Variants in GPR183 observed in about 807,000 individuals in gnomAD.
GPR183 encodes the protein EBV-induced G-protein coupled receptor 2.
In GPR183, 9 loss-of-function variants were observed where a neutral mutation model predicts 19.7. The ratio of observed to expected loss-of-function variants is 0.46; its 90% CI spans 0.28 to 0.80. The LOEUF is 0.80. Ranked by LOEUF, GPR183 falls within the 30% of genes least tolerant of loss-of-function variation. The probability of loss-of-function intolerance (pLI) is 0.13; values close to 1 mark genes in which losing one functional copy is unlikely to be tolerated. For missense variants in GPR183, 368 were observed against 446.7 expected, an observed-to-expected ratio of 0.82 and a Z score of 1.59; for synonymous variants, 160 against 155.1, an observed-to-expected ratio of 1.03 and a Z score of -0.24.
chr13:99,299,447 A>G (rs895450447), intron 1 of GPR183, among the ~76,000 whole-genome samples: 5 of 150,496 alleles, frequency 3.3e-5, no homozygotes, highest in African/African-American at 1.2e-4. Flanking sequence ...TAGGGAAGCA[A>G]ATACACACAC....
chr13:99,295,358 G>A lies in GPR183; in HGVS notation c.788C>T (p.Ala263Val), dbSNP rs758206571. 18 of 1,613,218 alleles carry A rather than the reference G, an allele frequency of 1.1e-5. No homozygotes were observed. The highest frequency in any genetic ancestry group is 1.5e-5 in the Non-Finnish European group (18 of 1,179,318). The change falls in exon 2 of 2, where the codon GCA (alanine) becomes GTA (valine). Residue 263 changes from alanine (A) to valine (V), a missense_variant. By Grantham distance (64) the Ala-to-Val change is moderately conservative. Transcript: ENST00000376414. This position sits in a 1 kb window ranked among gnomAD's most constrained non-coding sequence, Gnocchi z 4.1. The part of the protein sequence containing the change: ...FVLCFTPYHV[A>V]IIQHMIKKLR... ...CTTCTTAATCATATGTTGAATAATTGCAACATGGTAAGGTGTGAAACAGAG... is the reference window on the plus strand; with the variant it reads ...CTTCTTAATCATATGTTGAATAATTACAACATGGTAAGGTGTGAAACAGAG...
At chr13:99,307,037 T>C (rs967376322) in intron 1 of GPR183, among the ~76,000 whole-genome samples, 2 of 152,192 alleles carry the variant, frequency 1.3e-5, no homozygotes, top group Non-Finnish European at 2.9e-5. Context: ...ATTATTTGCA[T>C]AGTTTTGCTT....
At chr13:99,300,732 G>A (rs570122712) in intron 1 of GPR183, among the ~76,000 whole-genome samples, 4 of 152,296 alleles carry the variant, frequency 2.6e-5, no homozygotes, top group South Asian at 2.1e-4. Context: ...AATATATAGC[G>A]TTGAACATGT....
rs1475257556 is a variant in GPR183 at position 99,296,267 on chromosome 13, A to T, written c.-18-104T>A. Reference sequence around the variant, plus strand: ...TAAATAATGTATCAAAGCAATCCAAACTGTCTTTTATATATCTAAGTTTTA... The same window carrying T: ...TAAATAATGTATCAAAGCAATCCAATCTGTCTTTTATATATCTAAGTTTTA... On this transcript the variant is annotated intron_variant, in intron 1 of 1. Coordinates refer to ENST00000376414, the MANE Select transcript of GPR183 (RefSeq NM_004951.5). 5 of 878,816 alleles carry T rather than the reference A, an allele frequency of 5.7e-6. No individual in the cohort carries two copies. The Admixed American group carries it at 1.3e-4, about 23-fold the overall frequency. 54.4% of individuals were successfully genotyped at this position (878,816 alleles called of 1,614,324 possible). A position where few individuals can be genotyped will look rare whatever the true frequency, so the allele number is the denominator to read the frequency against.
intron 1 of GPR183, among the ~76,000 whole-genome samples, chr13:99,304,827 C>T (rs948704126): frequency 6.6e-6 from 1 of 152,158 alleles, no homozygotes; most frequent in Non-Finnish European, 1.5e-5. Flanking sequence ...ACATTCAGTA[C>T]AATACATTTT....
chr13:99,295,733 C>T lies in GPR183; in HGVS notation c.413G>A (p.Arg138His), dbSNP rs377287560. ...DRFIAVVHPLRYNKIKRIEHA... is the reference protein window; with the variant it reads ...DRFIAVVHPLHYNKIKRIEHA... ...TTCAATCCTTTTTATCTTGTTGTAGCGTAGAGGGTGCACCACAGCAATGAA... is the reference window on the plus strand; with the variant it reads ...TTCAATCCTTTTTATCTTGTTGTAGTGTAGAGGGTGCACCACAGCAATGAA... Residue 138 changes from arginine (R) to histidine (H), a missense_variant, in exon 2 of 2, where the codon CGC (arginine) becomes CAC (histidine). Transcript: ENST00000376414. The surrounding 1 kb of genome is among the most constrained non-coding windows in gnomAD (Gnocchi z 4.1). The T allele has an allele frequency of 4.3e-6, 7 of 1,613,904 alleles. No individual in the cohort carries two copies. The African/African-American group carries it at 6.7e-5, about 15-fold the overall frequency.
Position 99,295,474 on chromosome 13 carries a change from G to T in GPR183, c.672C>A (p.Phe224Leu). 2 of 1,613,954 alleles carry T rather than the reference G, an allele frequency of 1.2e-6. No homozygotes were observed. The highest frequency in any genetic ancestry group is 1.7e-6 in the Non-Finnish European group (2 of 1,180,018). ...TGAGTGGGTTTTGTTTGGCAGTTCT[G>T]AAGAGTTTGCAGCAGATCTGAGAAT... ...ICYSQICCKL[F>L]RTAKQNPLTE... Residue 224 changes from phenylalanine (F) to leucine (L), a missense_variant, in exon 2 of 2, where the codon TTC becomes TTA. Coordinates refer to ENST00000376414, the MANE Select transcript of GPR183 (RefSeq NM_004951.5). The surrounding 1 kb of genome is among the most constrained non-coding windows in gnomAD (Gnocchi z 4.1).
At chr13:99,300,911 T>C (rs1354719857) in intron 1 of GPR183, among the ~76,000 whole-genome samples, 1 of 152,258 alleles carries the variant, frequency 6.6e-6, no homozygotes, top group Non-Finnish European at 1.5e-5. Context: ...GTAGAAAATT[T>C]ATTCTTAAGT....
At chr13:99,300,076 G>A (rs895861878) in intron 1 of GPR183, among the ~76,000 whole-genome samples, 37 of 152,300 alleles carry the variant, frequency 2.4e-4, no homozygotes, top group African/African-American at 8.2e-4. Context: ...TGGCACATGC[G>A]CAACATTGCC....
intron 1 of GPR183, among the ~76,000 whole-genome samples, chr13:99,301,228 C>G (rs559826640): frequency 3.3e-5 from 5 of 152,334 alleles, no homozygotes; most frequent in East Asian, 1.9e-4. Flanking sequence ...TGGATAATGA[C>G]TGGGCCACAG....
rs749190085 is a variant in GPR183, at chr13:99,295,957, G to T, written c.189C>A (p.Ile63=). The part of the protein sequence containing the change: ...LVVIVQNRKK[I]NSTTLYSTNL... Reference sequence around the variant, plus strand: ...TTGTTGAATAGAGGGTGGTAGAGTTGATTTTTTTCCTGTTTTGAACAATGA... The same window carrying T: ...TTGTTGAATAGAGGGTGGTAGAGTTTATTTTTTTCCTGTTTTGAACAATGA... Residue 63 remains isoleucine, a synonymous_variant, in exon 2 of 2, where the codon ATC becomes ATA. Coordinates refer to ENST00000376414, the MANE Select transcript of GPR183 (RefSeq NM_004951.5). This position sits in a 1 kb window ranked among gnomAD's most constrained non-coding sequence, Gnocchi z 4.1. The T allele has an allele frequency of 6.2e-7, 1 of 1,614,114 alleles. No homozygotes were observed.
At chr13:99,303,381 C>A (rs1309331624) in intron 1 of GPR183, among the ~76,000 whole-genome samples, 1 of 152,230 alleles carries the variant, frequency 6.6e-6, no homozygotes, top group African/African-American at 2.4e-5. Flanking sequence ...TGGTTGAACA[C>A]CCACTTGCAC....
At chr13:99,301,575 ATTATC>A (rs901533172) in intron 1 of GPR183, among the ~76,000 whole-genome samples, 3 of 152,072 alleles carry the variant, frequency 2.0e-5, no homozygotes. Context: ...TTCTTGAGAT[ATTATC>A]ATCTCATTTT....
chr13:99,304,859 C>T (rs1394514069), intron 1 of GPR183, among the ~76,000 whole-genome samples: 1 of 152,176 alleles, frequency 6.6e-6, no homozygotes, highest in African/African-American at 2.4e-5. Context: ...CCGACGTGAT[C>T]TGCTATTATG....
At chr13:99,305,139 A>G (rs1254667885) in intron 1 of GPR183, among the ~76,000 whole-genome samples, 1 of 152,230 alleles carries the variant, frequency 6.6e-6, no homozygotes, top group Non-Finnish European at 1.5e-5. Flanking sequence ...AAGATGGTGA[A>G]TATCTAGAAT....
chr13:99,305,767 G>T (rs1450589854), intron 1 of GPR183, among the ~76,000 whole-genome samples: 1 of 152,164 alleles, frequency 6.6e-6, no homozygotes, highest in African/African-American at 2.4e-5. Flanking sequence ...CATATTCTTT[G>T]TGGTTTTATG....
rs554130871 is a variant in GPR183, at chr13:99,295,351, A to T, written c.795T>A (p.Ile265=). ...AACGAAGCTTCTTAATCATATGTTG[A>T]ATAATTGCAACATGGTAAGGTGTGA... The part of the protein sequence containing the change: ...LCFTPYHVAI[I]QHMIKKLRFS... The change falls in exon 2 of 2, where the codon ATT becomes ATA. Residue 265 remains isoleucine (I), a synonymous_variant. Coordinates refer to ENST00000376414, the MANE Select transcript of GPR183 (RefSeq NM_004951.5). The surrounding 1 kb of genome is among the most constrained non-coding windows in gnomAD (Gnocchi z 4.1). 15 of 1,613,748 alleles carry T rather than the reference A, an allele frequency of 9.3e-6. No homozygotes were observed. The African/African-American group carries it at 1.5e-4, about 16-fold the overall frequency.
At chr13:99,299,439 G>A (rs1279377634) in intron 1 of GPR183, among the ~76,000 whole-genome samples, 1 of 151,290 alleles carries the variant, frequency 6.6e-6, no homozygotes, top group African/African-American at 2.4e-5. Context: ...TTGGGAGGTA[G>A]GGAAGCAAAT....
At position 99,295,644 on chromosome 13, in the gene GPR183, TGAG is replaced by T; in HGVS notation, c.499_501del (p.Leu167del). ...GCCTCCTGCTTTGACATAGGGTTGA[TGAG>T]GAGTGGGAGTGTCTGAGCAAATACT... On this transcript the variant is annotated inframe_deletion, in exon 2 of 2. Transcript: ENST00000376414. The surrounding 1 kb of genome is among the most constrained non-coding windows in gnomAD (Gnocchi z 4.1). 6.2e-7 allele frequency: 1 copy of T among 1,614,152 alleles called. No homozygotes were observed. Among genetic ancestry groups the T allele is most frequent in the Non-Finnish European group, 8.5e-7 (1 of 1,180,030 alleles).
Sources: allele counts gnomAD v4.1 joint callset (sites outside exome capture counted in the v4.1 genomes callset), GRCh38; gene constraint gnomAD v4.1.1; non-coding constraint Gnocchi (gnomAD v3.1); transcripts MANE v1.5; gene names NCBI Gene and HGNC (gene_info 2026-07-23, HGNC 2026-07-21).